SNX1: variants seen among roughly 807,000 people sequenced by gnomAD.
The protein encoded by SNX1 is sorting nexin-1.
Under a neutral mutation model 71.8 loss-of-function variants are expected in SNX1, and 36 were observed. That is an observed-to-expected ratio of 0.50 (90% confidence interval 0.38 to 0.66). The LOEUF is 0.66. Among genes scored for constraint, SNX1 ranks in the 30% least tolerant of loss-of-function variants. SNX1 has a pLI of 0.00. For missense variants in SNX1, 612 were observed against 646.7 expected (o/e 0.95, Z 0.58); for synonymous variants, 254 against 240.7 (o/e 1.06, Z -0.51).
In SNX1 at chr15:64,137,922, G is replaced by A. The variant is rs2081376556; in HGVS notation, c.*304G>A. 2.8e-5 allele frequency: 39 copies of A among 1,406,128 alleles called. No individual in the cohort carries two copies. Among genetic ancestry groups the A allele is most frequent in the Non-Finnish European group, 3.4e-5 (37 of 1,086,606 alleles). The allele number at this position is 1,406,128 out of a possible 1,614,324, so 87.1% of individuals were successfully genotyped here. On this transcript the variant is annotated 3_prime_UTR_variant, in exon 15 of 15. Transcript: ENST00000559844. ...AATACAAATGTATATTTTTCAGGATGTGGTTTAGGAACTGGGAATAACGTT... is the reference window on the plus strand; with the variant it reads ...AATACAAATGTATATTTTTCAGGATATGGTTTAGGAACTGGGAATAACGTT...
At chr15:64,107,830 T>G (rs2081037812) in intron 1 of SNX1, among the ~76,000 whole-genome samples, 1 of 152,144 alleles carries the variant, frequency 6.6e-6, no homozygotes, top group South Asian at 2.1e-4. Context: ...GTTTCTTGCC[T>G]AGAAATTTAG....
chr15:64,109,071 AAG>A (rs1015467213), intron 1 of SNX1, among the ~76,000 whole-genome samples: 2 of 151,760 alleles, frequency 1.3e-5, no homozygotes, highest in African/African-American at 2.4e-5. Context: ...ACTTCTGTGT[AAG>A]AAAAATGCAG....
chr15:64,103,396 T>G (rs933447006), intron 1 of SNX1, among the ~76,000 whole-genome samples: 6 of 152,218 alleles, frequency 3.9e-5, no homozygotes, highest in African/African-American at 1.4e-4. Context: ...AATGTCTTTT[T>G]TTATACATTG....
At chr15:64,112,518 A>C in intron 1 of SNX1, 55 bp from the exon 2 acceptor site, 3 of 1,253,878 alleles carry the variant, frequency 2.4e-6, no homozygotes, top group Non-Finnish European at 3.4e-6. Flanking sequence ...TTTCTAGGCA[A>C]GTTGGGTTTG....
chr15:64,110,621 C>CCG (rs1336901263), intron 1 of SNX1, among the ~76,000 whole-genome samples: 1 of 152,110 alleles, frequency 6.6e-6, no homozygotes, highest in African/African-American at 2.4e-5. Context: ...AGGCTGGTCT[C>CCG]CAACTCCTGG....
At chr15:64,105,875 C>G (rs576680553) in intron 1 of SNX1, among the ~76,000 whole-genome samples, 7 of 152,326 alleles carry the variant, frequency 4.6e-5, no homozygotes, top group African/African-American at 1.7e-4. Flanking sequence ...AGTCCCTCTA[C>G]TCTGTATCTC....
chr15:64,113,072 A>G (rs921576604), intron 2 of SNX1, among the ~76,000 whole-genome samples: 1 of 152,256 alleles, frequency 6.6e-6, no homozygotes, highest in African/African-American at 2.4e-5. Context: ...AAAAATGTGC[A>G]TACTGGTACA....
intron 2 of SNX1, among the ~76,000 whole-genome samples, chr15:64,113,985 A>G (rs1419578126): frequency 6.6e-6 from 1 of 152,232 alleles, no homozygotes; most frequent in African/African-American, 2.4e-5. Flanking sequence ...ACAGCAGGAC[A>G]TTCTTGGAGA....
At position 64,138,616 on chromosome 15, in the gene SNX1, C is replaced by T. The variant is rs2081385417; in HGVS notation, c.*998C>T. The T allele has an allele frequency of 6.3e-6, 1 of 158,088 alleles. No individual in the cohort carries two copies. Among genetic ancestry groups the T allele is most frequent in the African/African-American group, 2.4e-5 (1 of 41,496 alleles). The allele number at this position is 158,088 out of a possible 1,614,324, so 9.8% of individuals were successfully genotyped here. A position where few individuals can be genotyped will look rare whatever the true frequency, so the allele number is the denominator to read the frequency against. Reference sequence around the variant, plus strand: ...CTGAACCTTAGGAGGTTCAAAGAAGCTCTACTGTCTGTGCCCAGGAGGTAG... The same window carrying T: ...CTGAACCTTAGGAGGTTCAAAGAAGTTCTACTGTCTGTGCCCAGGAGGTAG... On this transcript the variant is annotated 3_prime_UTR_variant, in exon 15 of 15. Coordinates refer to ENST00000559844, the MANE Select transcript of SNX1 (RefSeq NM_003099.5).
At position 64,123,495 on chromosome 15, in the gene SNX1, TC is replaced by T. The variant is rs1286087837; in HGVS notation, c.467-7del. Reference sequence around the variant, plus strand: ...AAGATAATCTTCTGCTTTCTTGTTCTCTCACAGGGGATGGTATGAATGCATA... The same window carrying T: ...AAGATAATCTTCTGCTTTCTTGTTCTTCACAGGGGATGGTATGAATGCATA... On this transcript the variant is annotated splice_region_variant and splice_polypyrimidine_tract_variant and intron_variant, in intron 4 of 14. Coordinates refer to ENST00000559844, the MANE Select transcript of SNX1 (RefSeq NM_003099.5). 3 of 1,613,244 alleles carry T rather than the reference TC, an allele frequency of 1.9e-6. No homozygotes were observed. In the Admixed American group the frequency reaches 5.0e-5, roughly 27 times the overall value.
intron 2 of SNX1, among the ~76,000 whole-genome samples, chr15:64,116,451 T>C (rs142162291): frequency 3.1e-4 from 47 of 152,376 alleles, no homozygotes; most frequent in African/African-American, 1.1e-3. Flanking sequence ...TTACCACCTT[T>C]CTCACTTTCC....
chr15:64,123,573 C>A, intron 5 of SNX1, 27 bp downstream of exon 5: 1 of 1,598,396 alleles, frequency 6.3e-7, no homozygotes, highest in Non-Finnish European at 8.6e-7. Flanking sequence ...CTGCTGATGA[C>A]CATCTTCATA....
intron 5 of SNX1, among the ~76,000 whole-genome samples, chr15:64,125,233 C>G (rs572328015): frequency 6.6e-6 from 1 of 152,076 alleles, no homozygotes; most frequent in East Asian, 1.9e-4. Flanking sequence ...GAGGCTGAGG[C>G]AGGTGGATCA....
chr15:64,104,616 G>A (rs1405116987), intron 1 of SNX1, among the ~76,000 whole-genome samples: 1 of 151,880 alleles, frequency 6.6e-6, no homozygotes, highest in Non-Finnish European at 1.5e-5. Context: ...CGGGCACTGT[G>A]GCTCATGTCT....
chr15:64,137,907 T>A lies in SNX1; in HGVS notation c.*289T>A. 1 of 1,405,830 alleles carries A rather than the reference T, an allele frequency of 7.1e-7. No homozygotes were observed. The highest frequency in any genetic ancestry group is 9.2e-7 in the Non-Finnish European group (1 of 1,086,260). The allele number at this position is 1,405,830 out of a possible 1,614,324, so 87.1% of individuals were successfully genotyped here. On this transcript the variant is annotated 3_prime_UTR_variant, in exon 15 of 15. Transcript: ENST00000559844. ...TGATATAAATATATAAATACAAATG[T>A]ATATTTTTCAGGATGTGGTTTAGGA... is the stretch of plus-strand genomic sequence containing the variant.
chr15:64,134,592 GC>G lies in SNX1; in HGVS notation c.1222-70del. 1.3e-6 allele frequency: 2 copies of G among 1,529,060 alleles called. No homozygotes were observed. The highest frequency in any genetic ancestry group is 1.3e-5 in the South Asian group (1 of 79,168). 94.7% of individuals were successfully genotyped at this position (1,529,060 alleles called of 1,614,324 possible). A position where few individuals can be genotyped will look rare whatever the true frequency, so the allele number is the denominator to read the frequency against. ...TGTCCCTGGTGCAGCTGCTGGGAGA[GC>G]CTGCCTCGAGGCAGAGCCAGCAGAG... is the stretch of plus-strand genomic sequence containing the variant. On this transcript the variant is annotated intron_variant, in intron 11 of 14. Coordinates refer to ENST00000559844, the MANE Select transcript of SNX1 (RefSeq NM_003099.5). The surrounding 1 kb of genome is among the most constrained non-coding windows in gnomAD (Gnocchi z 4.1).
chr15:64,127,192 T>C lies in SNX1; in HGVS notation c.671T>C (p.Val224Ala). Residue 224 changes from valine to alanine, a missense_variant, in exon 7 of 15, where the codon GTT becomes GCT. Transcript: ENST00000559844. ...KSLIGMTKVK[V>A]GKEDSSSAEF... ...ATTCTAGGGATGACAAAAGTGAAAG[T>C]TGGGAAGGAAGATTCTTCTTCTGCA... 1 of 1,613,650 alleles carries C rather than the reference T, an allele frequency of 6.2e-7. No homozygotes were observed. Among genetic ancestry groups the C allele is most frequent in the Non-Finnish European group, 8.5e-7 (1 of 1,179,708 alleles).
At chr15:64,101,718 C>T (rs2080963696) in intron 1 of SNX1, among the ~76,000 whole-genome samples, 1 of 152,206 alleles carries the variant, frequency 6.6e-6, no homozygotes, top group Admixed American at 6.5e-5. Flanking sequence ...TTTATGGTCT[C>T]ACCTCAGCTT....
chr15:64,102,040 G>GA lies in SNX1; in HGVS notation c.159+5876dup, dbSNP rs1053726623. On this transcript the variant is annotated intron_variant, in intron 1 of 14. Transcript: ENST00000559844. ...TACAATTGTCAACTAAACATAAAAA[G>GA]AAAAAAAATTAAAGAATAATGCTTG... Among the ~76,000 whole-genome samples the GA allele has an allele frequency of 4.0e-5, 6 of 151,670 alleles. No individual in the cohort carries two copies. In the South Asian group the frequency reaches 8.3e-4, roughly 21 times the overall value.
Sources: gnomAD v4.1 joint callset for allele counts (sites outside exome capture counted in the v4.1 genomes callset) on GRCh38, gnomAD v4.1.1 for gene constraint, Gnocchi (gnomAD v3.1) non-coding constraint, MANE v1.5 for transcripts, NCBI Gene and HGNC (gene_info 2026-07-23, HGNC 2026-07-21) for gene names.